The following FAM222B variants were observed in gnomAD, a reference collection of about 807,000 sequenced individuals.
FAM222B encodes protein FAM222B.
Under a neutral mutation model 38.0 loss-of-function variants are expected in FAM222B, and 12 were observed. That is an observed-to-expected ratio of 0.32 (90% CI 0.20 to 0.51). FAM222B has a LOEUF of 0.51. Among genes scored for constraint, FAM222B ranks in the 20% least tolerant of loss-of-function variants. FAM222B has a pLI of 0.97. For synonymous variants in FAM222B, 329 were observed against 317.2 expected, an observed-to-expected ratio of 1.04 and a Z score of -0.40; for missense variants, 716 against 754.2, an observed-to-expected ratio of 0.95 and a Z score of 0.59.
chr17:28,830,315 C>A (rs537847448), intron 1 of FAM222B, among the ~76,000 whole-genome samples: 2 of 151,944 alleles, frequency 1.3e-5, no homozygotes, highest in African/African-American at 4.8e-5. Flanking sequence ...GTGCCCGCAA[C>A]CACGCCTGGC....
rs902867845 is a variant in FAM222B at position 28,784,354 on chromosome 17, T to C, written c.-40-17647A>G. ...AGCCAAGTGTGGTGGCATAAACTTA[T>C]AGTCCCAACGACTTAGGAGGCTGAG... On this transcript the variant is annotated intron_variant, in intron 1 of 2. Coordinates refer to ENST00000581407, the MANE Select transcript of FAM222B (RefSeq NM_001077498.3). Among the ~76,000 whole-genome samples the C allele has an allele frequency of 5.9e-5, 9 of 151,746 alleles. No homozygotes were observed. The East Asian group carries it at 1.6e-3, about 26-fold the overall frequency.
chr17:28,803,100 C>T (rs1252901584), intron 1 of FAM222B, among the ~76,000 whole-genome samples: 1 of 152,008 alleles, frequency 6.6e-6, no homozygotes, highest in Non-Finnish European at 1.5e-5. Flanking sequence ...CCTCCACCTC[C>T]CAAGTTCAAG....
intron 1 of FAM222B, among the ~76,000 whole-genome samples, chr17:28,854,615 G>C (rs2039212191): frequency 1.3e-5 from 2 of 152,140 alleles, no homozygotes; most frequent in African/African-American, 4.8e-5. Context: ...GGATGGAAAG[G>C]ACTAGGAACA....
chr17:28,782,512 A>T (rs369852551), intron 1 of FAM222B, among the ~76,000 whole-genome samples: 1 of 152,350 alleles, frequency 6.6e-6, no homozygotes, highest in South Asian at 2.1e-4. Context: ...TGTGGTATTC[A>T]TCTAATAACA....
chr17:28,818,442 G>A (rs953916889), intron 1 of FAM222B, among the ~76,000 whole-genome samples: 2 of 151,660 alleles, frequency 1.3e-5, no homozygotes, highest in Non-Finnish European at 2.9e-5. Flanking sequence ...GCAGGAGAAT[G>A]GCGTGAACCT....
intron 1 of FAM222B, among the ~76,000 whole-genome samples, chr17:28,791,962 T>G (rs969784573): frequency 3.3e-5 from 5 of 150,440 alleles, no homozygotes; most frequent in African/African-American, 1.2e-4. Flanking sequence ...TGCCTGGCCA[T>G]GCCCAGGAAT....
At chr17:28,775,202 T>TGTATTTTTA (rs2035828805) in intron 1 of FAM222B, among the ~76,000 whole-genome samples, 1 of 151,508 alleles carries the variant, frequency 6.6e-6, no homozygotes, top group African/African-American at 2.4e-5. Flanking sequence ...GGTTTCACCA[T>TGTATTTTTA]GTTGGCCAGG....
chr17:28,784,659 T>C (rs2036320658), intron 1 of FAM222B, among the ~76,000 whole-genome samples: 1 of 151,070 alleles, frequency 6.6e-6, no homozygotes, highest in South Asian at 2.1e-4. Flanking sequence ...TGAAACCCCG[T>C]CTCTACTAAA....
chr17:28,854,488 C>G (rs944489377), intron 1 of FAM222B, among the ~76,000 whole-genome samples: 1 of 152,186 alleles, frequency 6.6e-6, no homozygotes, highest in African/African-American at 2.4e-5. Flanking sequence ...CAAACACCGA[C>G]CCAAGGACCA....
chr17:28,831,097 T>C (rs2038654343), intron 1 of FAM222B, among the ~76,000 whole-genome samples: 1 of 150,638 alleles, frequency 6.6e-6, no homozygotes, highest in Non-Finnish European at 1.5e-5. Flanking sequence ...TGGGTTCAAG[T>C]GATTCTCCTG....
chr17:28,757,469 G>A lies in FAM222B; in HGVS notation c.*801C>T, dbSNP rs2034758775. The A allele has an allele frequency of 6.6e-6, 1 of 151,292 alleles. No homozygotes were observed. Among genetic ancestry groups the A allele is most frequent in the Admixed American group, 6.6e-5 (1 of 15,164 alleles). The allele number at this position is 151,292 out of a possible 1,614,324, so 9.4% of individuals were successfully genotyped here. ...AAGTAAGGTAGATTTTGTTTTTGTT[G>A]AGGGGGAAAGGATAGGGGCTGTGGG... On this transcript the variant is annotated 3_prime_UTR_variant, in exon 3 of 3. Transcript: ENST00000581407.
chr17:28,844,118 T>C (rs556076949), upstream of FAM222B, among the ~76,000 whole-genome samples: 1 of 152,304 alleles, frequency 6.6e-6, no homozygotes, highest in South Asian at 2.1e-4. Flanking sequence ...TGTGCTGCTT[T>C]GGCATAGCCT....
At chr17:28,845,509 C>T (rs1390105010), upstream of FAM222B, among the ~76,000 whole-genome samples, 2 of 150,032 alleles carry the variant, frequency 1.3e-5, no homozygotes, top group East Asian at 2.0e-4. Flanking sequence ...AACTGGGAAG[C>T]GGAGCTTGCA....
chr17:28,795,806 T>C (rs905645352), intron 1 of FAM222B, among the ~76,000 whole-genome samples: 5 of 152,186 alleles, frequency 3.3e-5, no homozygotes, highest in African/African-American at 1.2e-4. Context: ...GAAAACCAGA[T>C]TGTACCTTGC....
chr17:28,803,040 A>AC (rs996614712), intron 1 of FAM222B, among the ~76,000 whole-genome samples: 17 of 151,166 alleles, frequency 1.1e-4, no homozygotes, highest in African/African-American at 3.7e-4. Flanking sequence ...AGGGAGTCCC[A>AC]CTCTGTTGCC....
In FAM222B at chr17:28,759,889, A is replaced by G. The variant is rs2034988299; in HGVS notation, c.83-13T>C. 2.9e-5 allele frequency: 44 copies of G among 1,506,370 alleles called. No homozygotes were observed. Among genetic ancestry groups the G allele is most frequent in the Non-Finnish European group, 3.7e-5 (41 of 1,121,986 alleles). The allele number at this position is 1,506,370 out of a possible 1,614,324, so 93.3% of individuals were successfully genotyped here. ...TGTGTAGTGTCCCCTAGAGAGAGAG[A>G]ATGGGAAGGAGAGCAAAGAGGGAGA... On this transcript the variant is annotated splice_polypyrimidine_tract_variant and intron_variant, in intron 2 of 2. Coordinates refer to ENST00000581407, the MANE Select transcript of FAM222B (RefSeq NM_001077498.3). The surrounding 1 kb of genome is among the most constrained non-coding windows in gnomAD (Gnocchi z 4.8).
At position 28,828,574 on chromosome 17, in the gene FAM222B, A is replaced by T. The variant is rs75684189; in HGVS notation, c.-41+14108T>A. 6.5e-3 allele frequency among the ~76,000 whole-genome samples: 987 copies of T among 152,000 alleles called. 11 individuals carry two copies. The highest frequency in any genetic ancestry group is 0.023 in the African/African-American group (939 of 41,484). ...ACAGAGAAGACTCTGTCACGAAAAA[A>T]AAAAAACAAAAAACATACAACTGCA... On this transcript the variant is annotated intron_variant, in intron 1 of 2. Transcript: ENST00000581407.
intron 1 of FAM222B, among the ~76,000 whole-genome samples, chr17:28,826,625 G>A (rs2038449193): frequency 6.7e-6 from 1 of 148,630 alleles, no homozygotes; most frequent in South Asian, 2.1e-4. Flanking sequence ...AGGTTGTGGT[G>A]AGCCAAGATG....
At chr17:28,772,638 T>C (rs2035692251) in intron 1 of FAM222B, among the ~76,000 whole-genome samples, 1 of 150,876 alleles carries the variant, frequency 6.6e-6, no homozygotes, top group Non-Finnish European at 1.5e-5. Context: ...GGCTCATGTC[T>C]ATAATCCCAG....
Sources: gnomAD v4.1 joint callset for allele counts (sites outside exome capture counted in the v4.1 genomes callset) on GRCh38, gnomAD v4.1.1 for gene constraint, Gnocchi (gnomAD v3.1) non-coding constraint, MANE v1.5 for transcripts, NCBI Gene and HGNC (gene_info 2026-07-23, HGNC 2026-07-21) for gene names.